Variants in GZF1 observed in about 807,000 individuals in gnomAD.
GZF1 encodes the protein GDNF-inducible zinc finger protein 1.
GZF1 carries 28 observed loss-of-function variants against 49.4 expected under a neutral mutation model. The observed-to-expected ratio is 0.57, with a 90% CI of 0.42 to 0.78. GZF1 has a LOEUF of 0.78. Ranked by LOEUF, GZF1 falls within the 30% of genes least tolerant of loss-of-function variation. GZF1 has a pLI of 0.00. For synonymous variants in GZF1, 364 were observed against 356.0 expected, an observed-to-expected ratio of 1.02 and a Z score of -0.25; for missense variants, 798 against 916.2, an observed-to-expected ratio of 0.87 and a Z score of 1.67.
upstream of GZF1, among the ~76,000 whole-genome samples, chr20:23,361,864 C>T (rs974466324): frequency 1.3e-5 from 2 of 152,238 alleles, no homozygotes; most frequent in Non-Finnish European, 2.9e-5. Flanking sequence ...CCACGCGAAT[C>T]TGACGCTCAC....
In GZF1 at chr20:23,367,045, T is replaced by G; in HGVS notation, c.1407T>G (p.Gly469=). ...AACCTTTTGTCTGTGATGAATGTGG[T>G]GCAAGATTCACTCAGAACCACATGC... ...GEKPFVCDEC[G]ARFTQNHMLI... is the part of the protein sequence containing the mutation. Residue 469 remains glycine (G), a synonymous_variant, in exon 3 of 6, where the codon GGT becomes GGG. Coordinates refer to ENST00000338121, the MANE Select transcript of GZF1 (RefSeq NM_022482.5). 6.2e-7 allele frequency: 1 copy of G among 1,613,420 alleles called. No individual in the cohort carries two copies. The highest frequency in any genetic ancestry group is 8.5e-7 in the Non-Finnish European group (1 of 1,179,738).
rs764171758 is a variant in GZF1 at position 23,364,650 on chromosome 20, A to C, written c.267A>C (p.Ser89=). The C allele has an allele frequency of 1.2e-6, 2 of 1,614,162 alleles. No individual in the cohort carries two copies. ...LNEVQVADFA[S]FLEFVYTAKV... is the part of the protein sequence containing the mutation. ...AAGTGCAGGTTGCTGACTTTGCTTC[A>C]TTTCTTGAGTTTGTCTACACTGCAA... Residue 89 remains serine (S), a synonymous_variant, in exon 2 of 6, where the codon TCA becomes TCC. Transcript: ENST00000338121.
chr20:23,368,405 T>C (rs781518295), intron 3 of GZF1, among the ~76,000 whole-genome samples: 1 of 152,220 alleles, frequency 6.6e-6, no homozygotes, highest in Non-Finnish European at 1.5e-5. Context: ...TAAAGATCCA[T>C]AGAAGTGTTC....
chr20:23,366,037 G>T (rs1427523037), intron 2 of GZF1, among the ~76,000 whole-genome samples: 2 of 152,208 alleles, frequency 1.3e-5, no homozygotes, highest in African/African-American at 4.8e-5. Flanking sequence ...GTTGGGCCTC[G>T]TTACCTTTAT....
At chr20:23,366,941 T>C in intron 2 of GZF1, 62 bp from the exon 3 acceptor site, 2 of 1,162,002 alleles carry the variant, frequency 1.7e-6, no homozygotes, top group Non-Finnish European at 2.6e-6. Context: ...AGAGTGGAAA[T>C]TGTATTGCAA....
chr20:23,370,686 C>CTTAA lies in GZF1; in HGVS notation c.*248_*251dup, dbSNP rs1981993582. On this transcript the variant is annotated 3_prime_UTR_variant, in exon 6 of 6. Transcript: ENST00000338121. The stretch of plus-strand genomic sequence containing the variant: ...CAAAAAGGCAGTGAACATAACCTCA[C>CTTAA]TTAATTCTGGTGTAGGGTGTATGTG... 3 of 502,602 alleles carry CTTAA rather than the reference C, an allele frequency of 6.0e-6. No homozygotes were observed. The allele number at this position is 502,602 out of a possible 1,614,324, so 31.1% of individuals were successfully genotyped here. A position where few individuals can be genotyped will look rare whatever the true frequency, so the allele number is the denominator to read the frequency against.
chr20:23,365,310 AG>A lies in GZF1; in HGVS notation c.931del (p.Glu311ArgfsTer23), dbSNP rs1208247352. On this transcript the variant is annotated frameshift_variant, in exon 2 of 6. Transcript: ENST00000338121. LOFTEE classifies it high-confidence loss of function. ...EEEEEEEDEEGEKKKSNFKCS... is the reference protein window; with the variant it reads ...EEEEEEEDEEXEKKKSNFKCS... ...AGGAGGAGGAGGAGGAGGACGAAGAAGGGGAGAAGAAGAAGAGCAACTTTAA... is the reference window on the plus strand; with the variant it reads ...AGGAGGAGGAGGAGGAGGACGAAGAAGGGAGAAGAAGAAGAGCAACTTTAA... 1 of 1,607,974 alleles carries A rather than the reference AG, an allele frequency of 6.2e-7. No homozygotes were observed. The highest frequency in any genetic ancestry group is 8.5e-7 in the Non-Finnish European group (1 of 1,176,162).
chr20:23,364,621 A>C lies in GZF1; in HGVS notation c.238A>C (p.Asn80His), dbSNP rs1981077185. 4.3e-6 allele frequency: 7 copies of C among 1,614,228 alleles called. No individual in the cohort carries two copies. In the East Asian group the frequency reaches 1.3e-4, roughly 31 times the overall value. ...TGGTACTAGGACTAATGTCTACTTA[A>C]ATGAAGTGCAGGTTGCTGACTTTGC... is the stretch of plus-strand genomic sequence containing the variant. ...VDGTRTNVYL[N>H]EVQVADFASF... Residue 80 changes from asparagine (N) to histidine (H), a missense_variant, in exon 2 of 6, where the codon AAT (asparagine) becomes CAT (histidine). Physicochemically the swap from Asn to His is moderately conservative, Grantham distance 68. Around this residue, in one of 3 missense-constraint regions of GZF1, gnomAD observed 105 missense variants for 147.5 expected, o/e 0.71. Coordinates refer to ENST00000338121, the MANE Select transcript of GZF1 (RefSeq NM_022482.5).
At position 23,369,711 on chromosome 20, in the gene GZF1, C is replaced by T. The variant is rs761379379; in HGVS notation, c.1755C>T (p.Thr585=). The change falls in exon 5 of 6, where the codon ACC becomes ACT. Residue 585 remains threonine (T), a synonymous_variant. Coordinates refer to ENST00000338121, the MANE Select transcript of GZF1 (RefSeq NM_022482.5). ...GCAATGCGTGCGGACGGACATTCAC[C>T]GACAAGTCCACTCTTCGGCGGCACA... is the stretch of plus-strand genomic sequence containing the variant. ...FMCNACGRTF[T]DKSTLRRHTS... 10 of 1,613,180 alleles carry T rather than the reference C, an allele frequency of 6.2e-6. No homozygotes were observed. The highest frequency in any genetic ancestry group is 4.0e-5 in the African/African-American group (3 of 74,894).
In GZF1 at chr20:23,370,547, G is replaced by C; in HGVS notation, c.*106G>C. ...TGTCCATGTGCAAAGATGTGGGCAAGAATGGCCTCTGCAGATTTTCCTGAA... is the reference window on the plus strand; with the variant it reads ...TGTCCATGTGCAAAGATGTGGGCAACAATGGCCTCTGCAGATTTTCCTGAA... On this transcript the variant is annotated 3_prime_UTR_variant, in exon 6 of 6. Coordinates refer to ENST00000338121, the MANE Select transcript of GZF1 (RefSeq NM_022482.5). 2.6e-6 allele frequency: 2 copies of C among 761,348 alleles called. No homozygotes were observed. The highest frequency in any genetic ancestry group is 4.4e-6 in the Non-Finnish European group (2 of 458,534). The allele number at this position is 761,348 out of a possible 1,614,324, so 47.2% of individuals were successfully genotyped here.
At chr20:23,369,791 C>A in intron 5 of GZF1, 50 bp downstream of exon 5, 1 of 1,558,150 alleles carries the variant, frequency 6.4e-7, no homozygotes, top group Non-Finnish European at 8.7e-7. Flanking sequence ...CCCTTAGATG[C>A]ACGGAAAGAG....
At chr20:23,361,818 C>CT (rs1403595508), upstream of GZF1, among the ~76,000 whole-genome samples, 1 of 152,234 alleles carries the variant, frequency 6.6e-6, no homozygotes, top group Non-Finnish European at 1.5e-5. Flanking sequence ...GCGCTGGCGC[C>CT]TTGCGGCCAG....
intron 2 of GZF1, 81 bp from the exon 3 acceptor site, chr20:23,366,922 T>G: frequency 2.1e-6 from 2 of 962,154 alleles, no homozygotes; most frequent in Non-Finnish European, 3.3e-6. Flanking sequence ...TAAACGATTT[T>G]TGCAGGATAG....
Position 23,370,282 on chromosome 20 carries a change from C to T in GZF1, c.1977C>T (p.Thr659=). 1.2e-6 allele frequency: 2 copies of T among 1,614,184 alleles called. No homozygotes were observed. Among genetic ancestry groups the T allele is most frequent in the Non-Finnish European group, 1.7e-6 (2 of 1,180,030 alleles). Reference sequence around the variant, plus strand: ...CTGCAGTCCAAGACACTGTACCTACCATGCAGGAGAACAGTTCTGCTGACA... The same window carrying T: ...CTGCAGTCCAAGACACTGTACCTACTATGCAGGAGAACAGTTCTGCTGACA... ...NLAAVQDTVP[T]MQENSSADTA... is the part of the protein sequence containing the mutation. The change falls in exon 6 of 6, where the codon ACC becomes ACT. Residue 659 remains threonine (T), a synonymous_variant. Coordinates refer to ENST00000338121, the MANE Select transcript of GZF1 (RefSeq NM_022482.5).
chr20:23,363,776 C>T (rs552324628), intron 1 of GZF1, among the ~76,000 whole-genome samples: 22 of 152,306 alleles, frequency 1.4e-4, no homozygotes, highest in African/African-American at 4.8e-4. Context: ...TGGAACTTAA[C>T]ATTATTTCAG....
At position 23,365,714 on chromosome 20, in the gene GZF1, T is replaced by G; in HGVS notation, c.1331T>G (p.Phe444Cys). Residue 444 changes from phenylalanine to cysteine, a missense_variant, in exon 2 of 6, where the codon TTC (phenylalanine) becomes TGC (cysteine). This residue lies in a region of GZF1 where 446 missense variants were observed against 540.1 expected (regional missense o/e 0.83). Coordinates refer to ENST00000338121, the MANE Select transcript of GZF1 (RefSeq NM_022482.5). ...PYGCTECGAR[F>C]SQPSALKTHM... ...GGCTGCACCGAGTGCGGCGCCAGGT[T>G]CTCGCAGCCGTCCGCGCTCAAGACG... is the stretch of plus-strand genomic sequence containing the variant. 1.3e-6 allele frequency: 2 copies of G among 1,558,722 alleles called. No homozygotes were observed. The highest frequency in any genetic ancestry group is 3.6e-5 in the Admixed American group (2 of 55,300).
chr20:23,371,218 T>C lies in GZF1; in HGVS notation c.*777T>C, dbSNP rs540360675. 1.3e-5 allele frequency: 2 copies of C among 152,752 alleles called. No individual in the cohort carries two copies. Among genetic ancestry groups the C allele is most frequent in the Admixed American group, 6.5e-5 (1 of 15,300 alleles). The allele number at this position is 152,752 out of a possible 1,614,324, so 9.5% of individuals were successfully genotyped here. ...TACCAAAGAGTCTAGCAAAACAATATAGTATTTTTTTGCAGAGGCATGAAA... is the reference window on the plus strand; with the variant it reads ...TACCAAAGAGTCTAGCAAAACAATACAGTATTTTTTTGCAGAGGCATGAAA... On this transcript the variant is annotated 3_prime_UTR_variant, in exon 6 of 6. Coordinates refer to ENST00000338121, the MANE Select transcript of GZF1 (RefSeq NM_022482.5).
chr20:23,368,970 CAA>C (rs3833333), intron 4 of GZF1, 41 bp downstream of exon 4: 320 of 1,404,346 alleles, frequency 2.3e-4, no homozygotes, highest in South Asian at 5.7e-4. Context: ...TTAGTTTGGC[CAA>C]AAAAAAAATT....
At chr20:23,369,070 T>G in intron 4 of GZF1, 141 bp downstream of exon 4, 2 of 666,340 alleles carry the variant, frequency 3.0e-6, no homozygotes, top group Non-Finnish European at 4.9e-6. Flanking sequence ...ATAGCATTTC[T>G]TTAGAGATTG....
Sources: allele counts gnomAD v4.1 joint callset (sites outside exome capture counted in the v4.1 genomes callset), GRCh38; gene constraint gnomAD v4.1.1; regional missense constraint gnomAD v4.1.1; transcripts MANE v1.5; gene names NCBI Gene and HGNC (gene_info 2026-07-23, HGNC 2026-07-21).